Variants in CD6 observed in about 807,000 individuals in gnomAD.
CD6 encodes T-cell differentiation antigen CD6.
CD6 carries 53 observed loss-of-function variants against 75.3 expected under a neutral mutation model. The observed-to-expected ratio is 0.70, with a 90% CI of 0.56 to 0.88. The LOEUF is 0.88. Among genes scored for constraint, CD6 ranks in the 40% least tolerant of loss-of-function variants. The probability of loss-of-function intolerance (pLI) is 0.00; values close to 1 mark genes in which losing one functional copy is unlikely to be tolerated. For synonymous variants in CD6, 359 were observed against 381.5 expected (o/e 0.94, Z 0.69); for missense variants, 770 against 897.1 (o/e 0.86, Z 1.81).
At chr11:61,013,351 G>A in intron 6 of CD6, 72 bp from the exon 7 acceptor site, 1 of 1,548,782 alleles carries the variant, frequency 6.5e-7, no homozygotes, top group Non-Finnish European at 8.8e-7. Flanking sequence ...CAGCTTTACA[G>A]AGAATGGAAA....
rs760617231 is a variant in CD6 at position 61,007,831 on chromosome 11, C to T, written c.390C>T (p.Ser130=). 8 of 1,444,542 alleles carry T rather than the reference C, an allele frequency of 5.5e-6. No individual in the cohort carries two copies. The highest frequency in any genetic ancestry group is 1.4e-5 in the South Asian group (1 of 72,376). The allele number at this position is 1,444,542 out of a possible 1,614,324, so 89.5% of individuals were successfully genotyped here. A position where few individuals can be genotyped will look rare whatever the true frequency, so the allele number is the denominator to read the frequency against. Residue 130 remains serine, a synonymous_variant, in exon 3 of 13, where the codon AGC becomes AGT. Coordinates refer to ENST00000313421, the MANE Select transcript of CD6 (RefSeq NM_006725.5). The surrounding 1 kb of genome is among the most constrained non-coding windows in gnomAD (Gnocchi z 4.2). ...CCGGGGCGCCCGCCCTCCTGTGCAG[C>T]GGCGCCGAGTGGCGGCTCTGCGAGG... ...TLAGAPALLC[S]GAEWRLCEVV...
rs148187533 is a variant in CD6 at position 60,977,040 on chromosome 11, G to A, written c.49+5126G>A. Among the ~76,000 whole-genome samples the A allele has an allele frequency of 2.0e-5, 3 of 152,110 alleles. No homozygotes were observed. In the East Asian group the frequency reaches 5.8e-4, roughly 29 times the overall value. On this transcript the variant is annotated intron_variant, in intron 1 of 12. Coordinates refer to ENST00000313421, the MANE Select transcript of CD6 (RefSeq NM_006725.5). ...GATGACAGTTAGCGTGGCCTTCACC[G>A]TATTGGGGCCATGGAACGGGGTAGC...
intron 1 of CD6, among the ~76,000 whole-genome samples, chr11:60,974,100 A>G (rs966131576): frequency 6.6e-6 from 1 of 152,176 alleles, no homozygotes; most frequent in African/African-American, 2.4e-5. Context: ...AGGACCTCCA[A>G]GGAGAAAAAG....
intron 1 of CD6, among the ~76,000 whole-genome samples, chr11:60,983,651 C>T (rs953303752): frequency 1.3e-5 from 2 of 151,008 alleles, no homozygotes; most frequent in African/African-American, 4.9e-5. Flanking sequence ...TTTTTACATA[C>T]GGACATTTTC....
intron 1 of CD6, among the ~76,000 whole-genome samples, chr11:60,997,378 CAA>C (rs761587409): frequency 7.5e-5 from 6 of 79,660 alleles, no homozygotes; most frequent in South Asian, 3.1e-4. Flanking sequence ...GACTCCGTCT[CAA>C]AAAAAAAAAA....
intron 1 of CD6, among the ~76,000 whole-genome samples, chr11:60,998,648 C>T (rs4939482): frequency 0.18 from 27,387 of 151,952 alleles, 3,275 homozygotes; most frequent in African/African-American, 0.34. Flanking sequence ...CTTTAGCTGG[C>T]GTGGCCACAC....
At chr11:60,982,079 G>A (rs1590671185) in intron 1 of CD6, among the ~76,000 whole-genome samples, 1 of 105,578 alleles carries the variant, frequency 9.5e-6, no homozygotes, top group Non-Finnish European at 2.0e-5. Context: ...GGGGGGGGGG[G>A]TTCTGTGCAT....
intron 1 of CD6, chr11:60,987,794 G>A (rs182578300): frequency 1.8e-4 from 28 of 152,286 alleles, no homozygotes; most frequent in African/African-American, 6.7e-4. Context: ...GTTTCTTGGA[G>A]TCAGTTATTC....
At chr11:60,972,431 G>A (rs753677485) in intron 1 of CD6, among the ~76,000 whole-genome samples, 1 of 152,196 alleles carries the variant, frequency 6.6e-6, no homozygotes, top group Non-Finnish European at 1.5e-5. Context: ...AGCACAACCA[G>A]CTGGGGTAGT....
chr11:61,010,875 A>G (rs1486272212), intron 5 of CD6, among the ~76,000 whole-genome samples, 195 bp from the exon 6 acceptor site: 3 of 152,158 alleles, frequency 2.0e-5, no homozygotes, highest in Non-Finnish European at 4.4e-5. Flanking sequence ...CCCAGCATTT[A>G]ATCCATGAGT....
At position 61,008,557 on chromosome 11, in the gene CD6, G is replaced by A; in HGVS notation, c.493G>A (p.Asp165Asn). The change falls in exon 4 of 13, where the codon GAC (aspartate) becomes AAC (asparagine). Residue 165 changes from aspartate (D) to asparagine (N), a missense_variant. Coordinates refer to ENST00000313421, the MANE Select transcript of CD6 (RefSeq NM_006725.5). ...AGAGAACCGCGCGCTGCGCCTGGTG[G>A]ACGGTGGCGGCGCCTGCGCCGGCCG... The part of the protein sequence containing the change: ...CAENRALRLV[D>N]GGGACAGRVE... The A allele has an allele frequency of 6.2e-7, 1 of 1,605,144 alleles. No individual in the cohort carries two copies. Among genetic ancestry groups the A allele is most frequent in the Non-Finnish European group, 8.5e-7 (1 of 1,176,270 alleles).
At chr11:60,993,186 A>C (rs1858136578) in intron 1 of CD6, among the ~76,000 whole-genome samples, 1 of 151,484 alleles carries the variant, frequency 6.6e-6, no homozygotes, top group Non-Finnish European at 1.5e-5. Context: ...TACAGCCCAC[A>C]TCTCCTCCCT....
chr11:60,987,447 C>T (rs1196232823), intron 1 of CD6, among the ~76,000 whole-genome samples: 4 of 152,172 alleles, frequency 2.6e-5, no homozygotes, highest in African/African-American at 7.2e-5. Flanking sequence ...AATAAGCTCA[C>T]ATTCTGGGGT....
intron 1 of CD6, among the ~76,000 whole-genome samples, chr11:60,994,272 C>G (rs7944790): frequency 2.0e-5 from 3 of 151,800 alleles, no homozygotes; most frequent in Non-Finnish European, 2.9e-5. Flanking sequence ...GAAACCCTGT[C>G]TCTAGTAAAA....
chr11:61,007,751 C>G lies in CD6; in HGVS notation c.310C>G (p.Leu104Val). Reference sequence around the variant, plus strand: ...TCAGCTCGCCCCGCCGACCCCTGAGCTGCCGCCCCCGCCTGCAGCCGGGAA... The same window carrying G: ...TCAGCTCGCCCCGCCGACCCCTGAGGTGCCGCCCCCGCCTGCAGCCGGGAA... ...ASQLAPPTPE[L>V]PPPPAAGNTS... Residue 104 changes from leucine (L) to valine (V), a missense_variant, in exon 3 of 13, where the codon CTG becomes GTG. Coordinates refer to ENST00000313421, the MANE Select transcript of CD6 (RefSeq NM_006725.5). The surrounding 1 kb of genome is among the most constrained non-coding windows in gnomAD (Gnocchi z 4.2). The G allele has an allele frequency of 6.9e-7, 1 of 1,442,962 alleles. No individual in the cohort carries two copies. The highest frequency in any genetic ancestry group is 9.1e-7 in the Non-Finnish European group (1 of 1,095,692). 89.4% of individuals were successfully genotyped at this position (1,442,962 alleles called of 1,614,324 possible).
At chr11:60,990,013 TTTTTA>T (rs796438734) in intron 1 of CD6, among the ~76,000 whole-genome samples, 3 of 152,280 alleles carry the variant, frequency 2.0e-5, no homozygotes, top group African/African-American at 7.2e-5. Context: ...AATTTTTTTG[TTTTTA>T]TTTTGTTTTA....
At position 61,011,076 on chromosome 11, in the gene CD6, G is replaced by A. The variant is rs771906206; in HGVS notation, c.1091G>A (p.Arg364Gln). Residue 364 changes from arginine to glutamine, a missense_variant, in exon 6 of 13, where the codon CGG (arginine) becomes CAG (glutamine). Arg to Gln is a conservative substitution (Grantham distance 43). Coordinates refer to ENST00000313421, the MANE Select transcript of CD6 (RefSeq NM_006725.5). ...GGGCGGTGCTTTCTGACAGCTTCCC[G>A]GAGTTTGCACAATCTGTCCACTCCC... ...LAARVLCSAS[R>Q]SLHNLSTPEV... The A allele has an allele frequency of 1.7e-5, 28 of 1,613,914 alleles. No homozygotes were observed. Among genetic ancestry groups the A allele is most frequent in the South Asian group, 1.1e-4 (10 of 91,086 alleles).
intron 1 of CD6, among the ~76,000 whole-genome samples, chr11:61,002,762 T>A (rs1045883112): frequency 5.9e-5 from 9 of 152,136 alleles, no homozygotes; most frequent in African/African-American, 2.2e-4. Flanking sequence ...AGGGGCCACA[T>A]CTGATGAGGG....
intron 6 of CD6, 49 bp from the exon 7 acceptor site, chr11:61,013,374 G>A: frequency 6.2e-7 from 1 of 1,605,076 alleles, no homozygotes; most frequent in Non-Finnish European, 8.5e-7. Context: ...CAAGAAGAAG[G>A]GTGAGTGCCC....
Sources: gnomAD v4.1 joint callset for allele counts (sites outside exome capture counted in the v4.1 genomes callset) on GRCh38, gnomAD v4.1.1 for gene constraint, Gnocchi (gnomAD v3.1) non-coding constraint, MANE v1.5 for transcripts, NCBI Gene and HGNC (gene_info 2026-07-23, HGNC 2026-07-21) for gene names.